Variants in ARFIP1 observed in about 807,000 individuals in gnomAD.
The protein encoded by ARFIP1 is arfaptin-1.
A neutral mutation model predicts 42.5 loss-of-function variants in ARFIP1; 24 were observed. The observed-to-expected ratio is 0.57, with a 90% CI of 0.41 to 0.80. The LOEUF (loss-of-function observed/expected upper bound fraction) is 0.80. Ranked by LOEUF, ARFIP1 falls within the 30% of genes least tolerant of loss-of-function variation. The pLI is 0.00. For synonymous variants in ARFIP1, 141 were observed against 153.7 expected (o/e 0.92, Z 0.61); for missense variants, 354 against 434.0 (o/e 0.82, Z 1.64).
At chr4:152,791,830 A>G (rs894950982) in intron 1 of ARFIP1, among the ~76,000 whole-genome samples, 2 of 152,178 alleles carry the variant, frequency 1.3e-5, no homozygotes, top group African/African-American at 4.8e-5. Flanking sequence ...TTCCTTTTTA[A>G]CCTCGAACAA....
chr4:152,888,209 A>T lies in ARFIP1; in HGVS notation c.868A>T (p.Ile290Phe). ...ACGTGACGCAAACACTCTGCCAAAG[A>T]TTGAGCAGTCACAGCATCTCTTCCA... ...GPRDANTLPK[I>F]EQSQHLFQAH... Residue 290 changes from isoleucine to phenylalanine, a missense_variant, in exon 8 of 9, where the codon ATT (isoleucine) becomes TTT (phenylalanine). By Grantham distance (21) the Ile-to-Phe change is conservative (BLOSUM62 0). Transcript: ENST00000353617. The T allele has an allele frequency of 6.2e-7, 1 of 1,612,320 alleles. No individual in the cohort carries two copies. Among genetic ancestry groups the T allele is most frequent in the Non-Finnish European group, 8.5e-7 (1 of 1,179,050 alleles).
chr4:152,867,218 G>A (rs537039595), intron 3 of ARFIP1, among the ~76,000 whole-genome samples: 2 of 152,350 alleles, frequency 1.3e-5, no homozygotes, highest in East Asian at 3.9e-4. Flanking sequence ...TGAGCACTGA[G>A]CGAACGAGAC....
intron 8 of ARFIP1, among the ~76,000 whole-genome samples, chr4:152,904,911 C>T (rs1368468523): frequency 1.3e-5 from 2 of 152,064 alleles, no homozygotes. Flanking sequence ...GGTATATACC[C>T]AGTAATGGGA....
chr4:152,824,867 CA>C (rs1271894023), intron 1 of ARFIP1, among the ~76,000 whole-genome samples: 1 of 151,954 alleles, frequency 6.6e-6, no homozygotes, highest in Non-Finnish European at 1.5e-5. Context: ...TCAGTGTACA[CA>C]AAATAGTAGC....
chr4:152,862,665 C>T (rs1250838535), intron 2 of ARFIP1, among the ~76,000 whole-genome samples: 1 of 151,926 alleles, frequency 6.6e-6, no homozygotes, highest in Admixed American at 6.6e-5. Context: ...TTGTCATAGC[C>T]CTGAAATTCC....
At chr4:152,817,909 C>T (rs1355356594) in intron 1 of ARFIP1, among the ~76,000 whole-genome samples, 2 of 152,092 alleles carry the variant, frequency 1.3e-5, no homozygotes, top group Admixed American at 1.3e-4. Flanking sequence ...AATGAGATAT[C>T]ACTGTACACT....
chr4:152,878,574 A>G (rs1003897508), intron 5 of ARFIP1, among the ~76,000 whole-genome samples: 1 of 152,174 alleles, frequency 6.6e-6, no homozygotes, highest in African/African-American at 2.4e-5. Flanking sequence ...TCAGATTGGA[A>G]TATATGTGAA....
At chr4:152,853,124 G>A (rs916172802) in intron 2 of ARFIP1, among the ~76,000 whole-genome samples, 1 of 152,158 alleles carries the variant, frequency 6.6e-6, no homozygotes, top group Non-Finnish European at 1.5e-5. Context: ...TTCTCATATT[G>A]TTAATTGGTT....
In ARFIP1 at chr4:152,888,095, G is replaced by T. The variant is rs757868990; in HGVS notation, c.792-38G>T. On this transcript the variant is annotated intron_variant, in intron 7 of 8. Coordinates refer to ENST00000353617, the MANE Select transcript of ARFIP1 (RefSeq NM_001025595.3). Reference sequence around the variant, plus strand: ...ACCCATTTTTTGAACATACTTTACTGTTCTTGTAGTATGCTTCACTTACTC... The same window carrying T: ...ACCCATTTTTTGAACATACTTTACTTTTCTTGTAGTATGCTTCACTTACTC... 5.2e-6 allele frequency: 8 copies of T among 1,544,050 alleles called. No individual in the cohort carries two copies. The Admixed American group carries it at 1.2e-4, about 23-fold the overall frequency.
chr4:152,829,910 C>G, intron 2 of ARFIP1, among the ~76,000 whole-genome samples, 184 bp downstream of exon 2: 1 of 152,052 alleles, frequency 6.6e-6, no homozygotes, highest in East Asian at 1.9e-4. Context: ...GATTAAGCTC[C>G]AGGCCAGTAA....
At chr4:152,799,490 T>G (rs1285485132) in intron 1 of ARFIP1, among the ~76,000 whole-genome samples, 13 of 152,244 alleles carry the variant, frequency 8.5e-5, no homozygotes, top group Admixed American at 8.5e-4. Flanking sequence ...GTGATAAGTT[T>G]TAATGTAGGA....
chr4:152,783,566 G>A (rs1730625997), intron 1 of ARFIP1, among the ~76,000 whole-genome samples: 1 of 152,156 alleles, frequency 6.6e-6, no homozygotes, highest in South Asian at 2.1e-4. Context: ...AATTGCGCTG[G>A]TGGAGCCAGT....
intron 1 of ARFIP1, among the ~76,000 whole-genome samples, chr4:152,806,821 G>T (rs1030429323): frequency 6.7e-6 from 1 of 149,750 alleles, no homozygotes; most frequent in Non-Finnish European, 1.5e-5. Flanking sequence ...TTAGCTCAAC[G>T]TAAGTTTTTT....
chr4:152,899,462 T>C (rs1049700621), intron 8 of ARFIP1, among the ~76,000 whole-genome samples: 2 of 152,222 alleles, frequency 1.3e-5, no homozygotes, highest in African/African-American at 4.8e-5. Context: ...CTCCCAACTT[T>C]TTTTGAGATA....
chr4:152,893,627 A>C (rs1320877563), intron 8 of ARFIP1, among the ~76,000 whole-genome samples: 3 of 152,152 alleles, frequency 2.0e-5, no homozygotes, highest in African/African-American at 7.2e-5. Flanking sequence ...TCTTATTTTA[A>C]GAAGTGTAAA....
At chr4:152,860,719 CAATAATA>C (rs1414564613) in intron 2 of ARFIP1, among the ~76,000 whole-genome samples, 1 of 152,062 alleles carries the variant, frequency 6.6e-6, no homozygotes, top group Non-Finnish European at 1.5e-5. Flanking sequence ...AATTTATTTC[CAATAATA>C]AATTAGTCAC....
chr4:152,877,106 C>T (rs1444832398), intron 5 of ARFIP1, among the ~76,000 whole-genome samples: 1 of 152,184 alleles, frequency 6.6e-6, no homozygotes, highest in Non-Finnish European at 1.5e-5. Context: ...TACTGGGGCA[C>T]CTCCTAGTGG....
At chr4:152,823,232 A>G (rs958879514) in intron 1 of ARFIP1, among the ~76,000 whole-genome samples, 5 of 152,182 alleles carry the variant, frequency 3.3e-5, no homozygotes, top group African/African-American at 1.2e-4. Flanking sequence ...GCTACCACAC[A>G]AATACAAAAC....
At chr4:152,897,697 A>C (rs1430590295) in intron 8 of ARFIP1, among the ~76,000 whole-genome samples, 1 of 152,052 alleles carries the variant, frequency 6.6e-6, no homozygotes, top group Non-Finnish European at 1.5e-5. Context: ...TCCACATTTC[A>C]CTTATTTTGC....
Sources: allele counts gnomAD v4.1 joint callset (sites outside exome capture counted in the v4.1 genomes callset), GRCh38; gene constraint gnomAD v4.1.1; transcripts MANE v1.5; gene names NCBI Gene and HGNC (gene_info 2026-07-23, HGNC 2026-07-21).